Variants in NTRK3 observed in about 807,000 individuals in gnomAD.
NTRK3 encodes the protein neurotrophic receptor tyrosine kinase 3.
Under a neutral mutation model 91.7 loss-of-function variants are expected in NTRK3, and 24 were observed. The observed-to-expected ratio is 0.26, with a 90% CI of 0.19 to 0.37. NTRK3 has a LOEUF of 0.37. Ranked by LOEUF, NTRK3 falls within the 10% of genes least tolerant of loss-of-function variation. The probability of loss-of-function intolerance (pLI) is 1.00; values close to 1 mark genes in which losing one functional copy is unlikely to be tolerated. For missense variants in NTRK3, 880 were observed against 1,068.9 expected (o/e 0.82, Z 2.46); for synonymous variants, 483 against 404.0 (o/e 1.20, Z -2.34).
intron 14 of NTRK3, among the ~76,000 whole-genome samples, chr15:87,969,293 C>G (rs2073062250): frequency 6.6e-6 from 1 of 152,204 alleles, no homozygotes; most frequent in Non-Finnish European, 1.5e-5. Flanking sequence ...GAAAGAGTTA[C>G]TGACGCGTGT....
chr15:88,218,009 C>T (rs1460346371), intron 3 of NTRK3, among the ~76,000 whole-genome samples: 1 of 152,142 alleles, frequency 6.6e-6, no homozygotes, highest in Non-Finnish European at 1.5e-5. Flanking sequence ...TCCAGGCCGC[C>T]TCTGGGGGTC....
Position 87,945,016 on chromosome 15 carries a change from T to C in NTRK3, c.1586-4263A>G, listed in dbSNP as rs550043308. Among the ~76,000 whole-genome samples the C allele has an allele frequency of 6.6e-5, 10 of 152,336 alleles. No homozygotes were observed. In the South Asian group the frequency reaches 2.1e-3, roughly 32 times the overall value. On this transcript the variant is annotated intron_variant, in intron 14 of 18. Coordinates refer to ENST00000394480, the Ensembl canonical transcript of NTRK3. ...AGAGGAGAGGGCATCAATCTCCTTT[T>C]ACTGCCTGGCTGGCTGGCCCAGCAG...
chr15:88,211,734 A>G (rs1306862704), intron 3 of NTRK3, among the ~76,000 whole-genome samples: 2 of 152,220 alleles, frequency 1.3e-5, no homozygotes, highest in Non-Finnish European at 2.9e-5. Context: ...AAATCAAGTC[A>G]CTACAAGTCA....
intron 13 of NTRK3, among the ~76,000 whole-genome samples, chr15:88,060,352 C>A (rs1372882429): frequency 6.7e-6 from 1 of 149,580 alleles, no homozygotes; most frequent in East Asian, 2.0e-4. Context: ...CTATTGCACT[C>A]CAGCCTGGGT....
intron 14 of NTRK3, among the ~76,000 whole-genome samples, chr15:88,028,852 T>C (rs926591650): frequency 2.6e-5 from 4 of 152,264 alleles, no homozygotes; most frequent in African/African-American, 9.6e-5. Context: ...AAGAAGCCTT[T>C]CAACTGGCTT....
intron 13 of NTRK3, among the ~76,000 whole-genome samples, chr15:88,050,942 AAG>A (rs2080768570): frequency 6.6e-6 from 1 of 152,348 alleles, no homozygotes; most frequent in Admixed American, 6.5e-5. Flanking sequence ...ACAATATGAT[AAG>A]AGAGCATATA....
chr15:87,897,141 G>A (rs115405448), intron 17 of NTRK3, among the ~76,000 whole-genome samples: 1,643 of 152,214 alleles, frequency 0.011, 33 homozygotes, highest in African/African-American at 0.038. Context: ...AAGGAGTTGA[G>A]AGCCAAGCCG....
At chr15:88,094,384 G>C (rs2150792973) in intron 13 of NTRK3, among the ~76,000 whole-genome samples, 1 of 150,948 alleles carries the variant, frequency 6.6e-6, no homozygotes, top group African/African-American at 2.4e-5. Context: ...CAGGAGAATG[G>C]CGTGAACCCG....
chr15:87,990,509 T>C (rs532086885), intron 14 of NTRK3, among the ~76,000 whole-genome samples: 8 of 152,334 alleles, frequency 5.3e-5, no homozygotes, highest in African/African-American at 1.9e-4. Flanking sequence ...CATGTCTTTT[T>C]ATAATTTTTG....
chr15:87,884,183 C>A (rs996198997), intron 17 of NTRK3, among the ~76,000 whole-genome samples: 2 of 151,236 alleles, frequency 1.3e-5, no homozygotes, highest in Non-Finnish European at 3.0e-5. Flanking sequence ...AAACTTTTGG[C>A]AAGATTAATA....
chr15:88,030,062 C>A (rs2078388174), intron 14 of NTRK3, among the ~76,000 whole-genome samples: 1 of 152,192 alleles, frequency 6.6e-6, no homozygotes, highest in Admixed American at 6.5e-5. Flanking sequence ...AACAGAAAGT[C>A]CCACTTCTTT....
At chr15:88,175,764 A>G (rs186451421) in intron 5 of NTRK3, among the ~76,000 whole-genome samples, 5 of 152,302 alleles carry the variant, frequency 3.3e-5, no homozygotes, top group African/African-American at 1.2e-4. Context: ...TATTATTCCC[A>G]TTTTCCAAAT....
chr15:88,197,829 C>T (rs928071740), intron 3 of NTRK3, among the ~76,000 whole-genome samples: 1 of 152,146 alleles, frequency 6.6e-6, no homozygotes, highest in African/African-American at 2.4e-5. Flanking sequence ...ATCATCATGC[C>T]GTCTCCCCTC....
At chr15:87,964,240 A>T (rs1365029084) in intron 14 of NTRK3, among the ~76,000 whole-genome samples, 2 of 152,176 alleles carry the variant, frequency 1.3e-5, no homozygotes, top group East Asian at 1.9e-4. Context: ...GGTGCTAGGA[A>T]CAACTTGCCA....
At chr15:88,158,201 G>C (rs1336817667) in intron 5 of NTRK3, among the ~76,000 whole-genome samples, 1 of 152,194 alleles carries the variant, frequency 6.6e-6, no homozygotes, top group East Asian at 1.9e-4. Flanking sequence ...TCCTCAGTGG[G>C]CACTCAGTGA....
Position 88,137,709 on chromosome 15 carries a change from C to A in NTRK3, c.465-148G>T, listed in dbSNP as rs537783754. ...AGGTTACAAAAGAAGTGGAAAAATCCTTGTAAGTCCATAAATTGCAGTTTT... is the reference window on the plus strand; with the variant it reads ...AGGTTACAAAAGAAGTGGAAAAATCATTGTAAGTCCATAAATTGCAGTTTT... On this transcript the variant is annotated intron_variant, in intron 6 of 18. Transcript: ENST00000394480. 75 of 800,102 alleles carry A rather than the reference C, an allele frequency of 9.4e-5. No individual in the cohort carries two copies. In the South Asian group the frequency reaches 1.2e-3, roughly 13 times the overall value. The allele number at this position is 800,102 out of a possible 1,614,324, so 49.6% of individuals were successfully genotyped here.
exon 19 of NTRK3, chr15:87,871,626 T>G (rs1451931663): frequency 1.3e-5 from 3 of 229,248 alleles, no homozygotes; most frequent in Non-Finnish European, 2.6e-5. Flanking sequence ...GAGCACCAAA[T>G]GATCCAACTT....
intron 17 of NTRK3, among the ~76,000 whole-genome samples, chr15:87,900,494 T>C (rs959121385): frequency 2.6e-5 from 4 of 152,220 alleles, no homozygotes; most frequent in Non-Finnish European, 5.9e-5. Flanking sequence ...TGGCAGCCCA[T>C]GTTTTCTTTT....
intron 14 of NTRK3, among the ~76,000 whole-genome samples, chr15:87,962,616 T>C (rs1399229113): frequency 2.0e-5 from 3 of 152,150 alleles, no homozygotes; most frequent in Non-Finnish European, 2.9e-5. Context: ...CTCCAGTTTG[T>C]GCCCCTCCCT....
Sources: allele counts gnomAD v4.1 joint callset (sites outside exome capture counted in the v4.1 genomes callset), GRCh38; gene constraint gnomAD v4.1.1; transcripts MANE v1.5; gene names NCBI Gene and HGNC (gene_info 2026-07-23, HGNC 2026-07-21).